Variants in HNF4G observed in about 807,000 individuals in gnomAD.
HNF4G encodes the protein hepatocyte nuclear factor 4-gamma.
In HNF4G, 21 loss-of-function variants were observed where a neutral mutation model predicts 50.9. The observed-to-expected ratio is 0.41, with a 90% CI of 0.29 to 0.59. The LOEUF (loss-of-function observed/expected upper bound fraction) is 0.59. Among genes scored for constraint, HNF4G ranks in the 20% least tolerant of loss-of-function variants. The pLI is 0.26. For synonymous variants in HNF4G, 198 were observed against 185.6 expected (o/e 1.07, Z -0.54); for missense variants, 527 against 559.4 (o/e 0.94, Z 0.58).
At chr8:75,468,003 T>G (rs1365504315) in intron 1 of HNF4G, among the ~76,000 whole-genome samples, 2 of 152,150 alleles carry the variant, frequency 1.3e-5, no homozygotes, top group Non-Finnish European at 2.9e-5. Context: ...TCATATATAT[T>G]TATACAAAAA....
At chr8:75,527,505 G>A (rs567333123) in intron 2 of HNF4G, among the ~76,000 whole-genome samples, 1 of 152,302 alleles carries the variant, frequency 6.6e-6, no homozygotes, top group East Asian at 1.9e-4. Context: ...CATGGATAAT[G>A]AGAATCGGTA....
intron 1 of HNF4G, among the ~76,000 whole-genome samples, chr8:75,425,118 C>T (rs934434412): frequency 2.9e-5 from 4 of 139,026 alleles, no homozygotes; most frequent in Admixed American, 2.9e-4. Context: ...CGGAGTCTCG[C>T]TCAGCCACCT....
At chr8:75,416,084 G>A (rs1164704292) in intron 1 of HNF4G, among the ~76,000 whole-genome samples, 2 of 152,138 alleles carry the variant, frequency 1.3e-5, no homozygotes, top group African/African-American at 2.4e-5. Context: ...GATAAATAAA[G>A]TAAAATGATA....
chr8:75,541,391 A>G (rs940237051), intron 1 of HNF4G, among the ~76,000 whole-genome samples: 1 of 152,166 alleles, frequency 6.6e-6, no homozygotes, highest in Admixed American at 6.5e-5. Flanking sequence ...TCAGAATACA[A>G]TCAATTCCAA....
intron 1 of HNF4G, among the ~76,000 whole-genome samples, chr8:75,477,923 T>C (rs1286186470): frequency 1.3e-5 from 2 of 151,508 alleles, no homozygotes; most frequent in East Asian, 3.9e-4. Context: ...GCCGAGATCG[T>C]GCTATTGCAC....
intron 2 of HNF4G, among the ~76,000 whole-genome samples, chr8:75,531,190 T>A (rs974464666): frequency 6.6e-6 from 1 of 152,144 alleles, no homozygotes; most frequent in African/African-American, 2.4e-5. Flanking sequence ...TGAAAAATTT[T>A]GTAGTAAAGG....
chr8:75,560,542 T>C, intron 9 of HNF4G, 76 bp downstream of exon 9: 1 of 1,462,362 alleles, frequency 6.8e-7, no homozygotes, highest in Non-Finnish European at 9.3e-7. Flanking sequence ...GGAAAGAATC[T>C]ATTAGTAACC....
At chr8:75,481,772 T>C (rs1196932932) in intron 1 of HNF4G, among the ~76,000 whole-genome samples, 1 of 152,136 alleles carries the variant, frequency 6.6e-6, no homozygotes, top group Non-Finnish European at 1.5e-5. Flanking sequence ...AAATTTTCAA[T>C]GAAATTTTTG....
At chr8:75,453,666 C>T (rs1196932824) in intron 1 of HNF4G, among the ~76,000 whole-genome samples, 1 of 152,118 alleles carries the variant, frequency 6.6e-6, no homozygotes, top group Non-Finnish European at 1.5e-5. Context: ...TCTGCAGCTC[C>T]ATTCTTGAAG....
intron 1 of HNF4G, among the ~76,000 whole-genome samples, chr8:75,447,659 A>G (rs1174368696): frequency 2.0e-5 from 3 of 152,194 alleles, no homozygotes; most frequent in African/African-American, 2.4e-5. Context: ...ATACATTTAT[A>G]CAGCCAAAAA....
In HNF4G at chr8:75,540,918, A is replaced by G. The variant is rs1252239616; in HGVS notation, c.118+838A>G. Among the ~76,000 whole-genome samples the G allele has an allele frequency of 2.0e-5, 3 of 150,804 alleles. No individual in the cohort carries two copies. In the East Asian group the frequency reaches 5.8e-4, roughly 29 times the overall value. ...ATTGAGAATATATCTTGTACTGAGG[A>G]TATCTTACTATTCTACTGTATTGTA... On this transcript the variant is annotated intron_variant, in intron 1 of 9. Coordinates refer to ENST00000396423, the MANE Select transcript of HNF4G (RefSeq NM_004133.5).
intron 1 of HNF4G, among the ~76,000 whole-genome samples, chr8:75,449,729 G>A (rs35324788): frequency 2.0e-4 from 30 of 151,828 alleles, no homozygotes; most frequent in Non-Finnish European, 2.6e-4. Context: ...GGATGGTCTC[G>A]ATCTCCTGAC....
At chr8:75,560,981 TTTTA>T (rs1252384577) in intron 9 of HNF4G, among the ~76,000 whole-genome samples, 4 of 152,066 alleles carry the variant, frequency 2.6e-5, no homozygotes, top group African/African-American at 9.7e-5. Flanking sequence ...AATCGAAGGG[TTTTA>T]TTTCTCTATA....
At chr8:75,430,648 T>C (rs546596377) in intron 1 of HNF4G, among the ~76,000 whole-genome samples, 1 of 152,172 alleles carries the variant, frequency 6.6e-6, no homozygotes, top group Admixed American at 6.5e-5. Context: ...ATATGTAACC[T>C]CAAAACCTCT....
rs752483270 is a variant in HNF4G, at chr8:75,558,816, G to A, written c.902G>A (p.Ser301Asn). Residue 301 changes from serine (S) to asparagine (N), a missense_variant, in exon 8 of 10, where the codon AGC (serine) becomes AAC (asparagine). Transcript: ENST00000396423. ...CCTTTGTTAGATGCAAAAGGGCTAA[G>A]CGATCCAGTAAAAATTAAGAACATG... The part of the protein sequence containing the change: ...VFFDPDAKGL[S>N]DPVKIKNMRF... 1 of 1,613,974 alleles carries A rather than the reference G, an allele frequency of 6.2e-7. No individual in the cohort carries two copies. Among genetic ancestry groups the A allele is most frequent in the Admixed American group, 1.7e-5 (1 of 60,004 alleles).
chr8:75,500,929 G>A (rs1812909391), intron 2 of HNF4G, among the ~76,000 whole-genome samples: 1 of 152,170 alleles, frequency 6.6e-6, no homozygotes, highest in African/African-American at 2.4e-5. Context: ...TTTGAAATTA[G>A]AGACTGGTAA....
intron 2 of HNF4G, among the ~76,000 whole-genome samples, chr8:75,492,364 C>G (rs1464312015): frequency 6.6e-6 from 1 of 152,070 alleles, no homozygotes; most frequent in South Asian, 2.1e-4. Flanking sequence ...AACTATTCAG[C>G]TAGAAACCTG....
At chr8:75,455,344 T>C (rs1280322166) in intron 1 of HNF4G, among the ~76,000 whole-genome samples, 3 of 152,186 alleles carry the variant, frequency 2.0e-5, no homozygotes, top group Non-Finnish European at 4.4e-5. Flanking sequence ...GTATTTGTTT[T>C]TATTTAATCA....
chr8:75,491,961 AT>A lies in HNF4G; in HGVS notation c.-24+1754del, dbSNP rs1483931849. On this transcript the variant is annotated intron_variant, in intron 2 of 10. Transcript: ENST00000354370. ...GTTTTAGACAGTGAGGCCCTTAGCC[AT>A]AAGCTTGAAATCTGTTTCAATAATA... 2.6e-5 allele frequency among the ~76,000 whole-genome samples: 4 copies of A among 152,216 alleles called. No individual in the cohort carries two copies. In the East Asian group the frequency reaches 7.7e-4, roughly 29 times the overall value.
Sources: allele counts gnomAD v4.1 joint callset (sites outside exome capture counted in the v4.1 genomes callset), GRCh38; gene constraint gnomAD v4.1.1; transcripts MANE v1.5; gene names NCBI Gene and HGNC (gene_info 2026-07-23, HGNC 2026-07-21).